The following DMD variants were observed in gnomAD, a reference collection of about 807,000 sequenced individuals.
DMD encodes the protein mutant dystrophin.
In DMD, 63 loss-of-function variants were observed where a neutral mutation model predicts 330.1. That is an observed-to-expected ratio of 0.19 (90% confidence interval 0.16 to 0.24). The LOEUF (loss-of-function observed/expected upper bound fraction) is 0.24, where lower values mean the gene tolerates loss of function less well. Ranked by LOEUF, DMD falls within the 10% of genes least tolerant of loss-of-function variation. DMD has a pLI of 1.00. For missense variants in DMD, 3,344 were observed against 2,684.1 expected (o/e 1.25, Z -5.43); for synonymous variants, 1,223 against 959.8 (o/e 1.27, Z -5.07).
At chrX:31,954,155 C>A (rs2095218643) in intron 45 of DMD, among the ~76,000 whole-genome samples, 1 of 111,405 alleles carries the variant, frequency 9.0e-6, no homozygotes, top group Non-Finnish European at 1.9e-5. Flanking sequence ...GACCCATATT[C>A]GTTAAAGAGT....
At chrX:32,727,993 A>T (rs2067090831) in intron 7 of DMD, among the ~76,000 whole-genome samples, 1 of 111,785 alleles carries the variant, frequency 8.9e-6, no homozygotes, top group African/African-American at 3.2e-5. Flanking sequence ...TGTGTAAATT[A>T]CATGCATTTT....
rs1344126762 is a variant in DMD, at chrX:32,395,592, G to C, written c.4234-5411C>G. On this transcript the variant is annotated intron_variant, in intron 30 of 78. Coordinates refer to ENST00000357033, the MANE Select transcript of DMD (RefSeq NM_004006.3). ...ATAATTTAAAAAAATTTTAAAAACA[G>C]AAAAACCCATGCTCTGTGATCAGAA... 3.6e-5 allele frequency among the ~76,000 whole-genome samples: 4 copies of C among 110,273 alleles called. No homozygotes were observed. The East Asian group carries it at 1.1e-3, about 31-fold the overall frequency.
intron 12 of DMD, among the ~76,000 whole-genome samples, chrX:32,606,942 C>CA (rs1204569387): frequency 9.2e-6 from 1 of 109,119 alleles, no homozygotes; most frequent in Admixed American, 9.8e-5. Flanking sequence ...ACAAAGGGTA[C>CA]ACACGGACAT....
At chrX:32,925,145 GTTTT>G (rs777224221) in intron 2 of DMD, among the ~76,000 whole-genome samples, 23 of 48,528 alleles carry the variant, frequency 4.7e-4, no homozygotes, top group African/African-American at 1.6e-3. Flanking sequence ...AAAACTCTGG[GTTTT>G]TTTTTTTTTT....
At chrX:32,941,520 G>A (rs779330896) in intron 2 of DMD, among the ~76,000 whole-genome samples, 8 of 111,280 alleles carry the variant, frequency 7.2e-5, no homozygotes, top group African/African-American at 2.6e-4. Context: ...AGCTGTGATG[G>A]AGGCCATTAT....
chrX:33,320,578 G>A (rs746245088), intron 1 of DMD, among the ~76,000 whole-genome samples: 1 of 112,345 alleles, frequency 8.9e-6, no homozygotes, highest in Non-Finnish European at 1.9e-5. Flanking sequence ...TTTGCTAGTG[G>A]AGGCTCTTGC....
intron 60 of DMD, among the ~76,000 whole-genome samples, chrX:31,355,233 A>C (rs2058613343): frequency 8.9e-6 from 1 of 111,871 alleles, no homozygotes; most frequent in Middle Eastern, 4.2e-3. Context: ...CCTTTCTGTT[A>C]ATTACTCTAC....
At chrX:31,655,955 T>C (rs1401391696) in intron 54 of DMD, among the ~76,000 whole-genome samples, 2 of 112,210 alleles carry the variant, frequency 1.8e-5, no homozygotes, top group Non-Finnish European at 3.8e-5. Flanking sequence ...AGTTTAGCTT[T>C]GGACCTCTTC....
chrX:32,150,899 G>C (rs776536866), intron 44 of DMD, among the ~76,000 whole-genome samples: 1 of 111,102 alleles, frequency 9.0e-6, no homozygotes, highest in Non-Finnish European at 1.9e-5. Flanking sequence ...CCAAACTACC[G>C]TGCTGCTACT....
intron 1 of DMD, among the ~76,000 whole-genome samples, chrX:33,268,092 C>T (rs900148665): frequency 1.9e-5 from 2 of 108,012 alleles, no homozygotes; most frequent in Non-Finnish European, 1.9e-5. Context: ...TGGGGTCAAA[C>T]AGTTCTCCTG....
At chrX:32,335,805 G>A (rs919052417) in intron 41 of DMD, among the ~76,000 whole-genome samples, 6 of 101,470 alleles carry the variant, frequency 5.9e-5, no homozygotes, top group Non-Finnish European at 8.0e-5. Flanking sequence ...TATATAACAC[G>A]TGTATATATG....
At chrX:31,413,559 A>C (rs1250517548) in intron 60 of DMD, among the ~76,000 whole-genome samples, 1 of 111,788 alleles carries the variant, frequency 8.9e-6, no homozygotes, top group Non-Finnish European at 1.9e-5. Context: ...ATCTGGGTCA[A>C]AGTACAGGCA....
intron 11 of DMD, among the ~76,000 whole-genome samples, chrX:32,636,179 A>C (rs891497345): frequency 1.8e-5 from 2 of 112,140 alleles, no homozygotes; most frequent in Admixed American, 1.9e-4. Flanking sequence ...TCTTTACAGC[A>C]CCTTCTTTCC....
chrX:31,219,141 A>G (rs186344914), intron 64 of DMD, among the ~76,000 whole-genome samples: 5 of 111,362 alleles, frequency 4.5e-5, no homozygotes, highest in African/African-American at 1.6e-4. Flanking sequence ...AAGAGTTAGC[A>G]TTTTCATCCC....
At chrX:33,019,465 A>C (rs2093871655) in intron 2 of DMD, among the ~76,000 whole-genome samples, 1 of 111,680 alleles carries the variant, frequency 9.0e-6, no homozygotes, top group Non-Finnish European at 1.9e-5. Flanking sequence ...ATCGAGAATA[A>C]TAATTAAAAT....
intron 43 of DMD, among the ~76,000 whole-genome samples, chrX:32,242,812 T>C (rs775160176): frequency 9.1e-5 from 10 of 110,029 alleles, no homozygotes; most frequent in Admixed American, 2.0e-4. Context: ...ATTTTATGGG[T>C]CCGTGAAATG....
At chrX:33,140,678 T>G (rs1368474886) in intron 1 of DMD, among the ~76,000 whole-genome samples, 1 of 112,260 alleles carries the variant, frequency 8.9e-6, no homozygotes, top group African/African-American at 3.2e-5. Context: ...ATTTATGCAA[T>G]TATAGGGATA....
chrX:32,702,181 A>C (rs1211411148), intron 7 of DMD, among the ~76,000 whole-genome samples: 1 of 112,545 alleles, frequency 8.9e-6, no homozygotes, highest in Non-Finnish European at 1.9e-5. Context: ...GAAAGTAAAT[A>C]ATAGAAGTAC....
intron 44 of DMD, among the ~76,000 whole-genome samples, chrX:32,156,747 A>C (rs764330926): frequency 6.3e-5 from 7 of 111,386 alleles, no homozygotes; most frequent in Middle Eastern, 4.6e-3. Context: ...CCCATTCCTC[A>C]AGGAAATTTT....
Sources: gnomAD v4.1 joint callset for allele counts (sites outside exome capture counted in the v4.1 genomes callset) on GRCh38, gnomAD v4.1.1 for gene constraint, MANE v1.5 for transcripts, NCBI Gene and HGNC (gene_info 2026-07-23, HGNC 2026-07-21) for gene names.